ZFAND3: variants seen among roughly 807,000 people sequenced by gnomAD.
ZFAND3 encodes the protein AN1-type zinc finger protein 3.
ZFAND3 carries 10 observed loss-of-function variants against 29.6 expected under a neutral mutation model. The ratio of observed to expected loss-of-function variants is 0.34; its 90% CI spans 0.21 to 0.57. ZFAND3 has a LOEUF of 0.57. ZFAND3 is among the 20% of genes least tolerant of loss of function. The pLI is 0.86. For synonymous variants in ZFAND3, 128 were observed against 112.6 expected (o/e 1.14, Z -0.87); for missense variants, 230 against 304.5 (o/e 0.76, Z 1.82).
At chr6:37,867,358 T>C (rs1184199001) in intron 1 of ZFAND3, among the ~76,000 whole-genome samples, 1 of 152,214 alleles carries the variant, frequency 6.6e-6, no homozygotes, top group Non-Finnish European at 1.5e-5. Flanking sequence ...AGTGGCCATG[T>C]CACTCTGGTT....
intron 2 of ZFAND3, among the ~76,000 whole-genome samples, chr6:37,968,058 C>T (rs1417271208): frequency 2.0e-5 from 3 of 152,112 alleles, no homozygotes; most frequent in African/African-American, 7.2e-5. Context: ...AGTAATTGAA[C>T]ATTAGAACTG....
At chr6:38,002,301 T>TA (rs386358930) in intron 2 of ZFAND3, among the ~76,000 whole-genome samples, 4 of 151,118 alleles carry the variant, frequency 2.6e-5, no homozygotes, top group African/African-American at 7.3e-5. Context: ...TTTTTTTTTT[T>TA]AAAGAAAACA....
intron 1 of ZFAND3, among the ~76,000 whole-genome samples, chr6:37,877,586 A>G (rs1193043008): frequency 6.6e-6 from 1 of 152,240 alleles, no homozygotes; most frequent in Non-Finnish European, 1.5e-5. Context: ...TTTAGCACTG[A>G]GCAATCCAGT....
At chr6:37,965,315 C>T (rs183372712) in intron 2 of ZFAND3, among the ~76,000 whole-genome samples, 135 of 152,238 alleles carry the variant, frequency 8.9e-4, no homozygotes, top group Non-Finnish European at 1.6e-3. Flanking sequence ...ATTTCCAGAC[C>T]GGCACTGATC....
intron 1 of ZFAND3, among the ~76,000 whole-genome samples, chr6:37,841,774 T>A (rs1764081365): frequency 6.6e-6 from 1 of 152,190 alleles, no homozygotes; most frequent in African/African-American, 2.4e-5. Flanking sequence ...TGAGCCACCG[T>A]GCCCAGCCTG....
intron 1 of ZFAND3, among the ~76,000 whole-genome samples, chr6:37,892,862 C>T (rs912344843): frequency 3.3e-5 from 5 of 152,098 alleles, no homozygotes; most frequent in African/African-American, 9.7e-5. Flanking sequence ...AGAGGAAATG[C>T]ATCAGTTCTT....
intron 1 of ZFAND3, among the ~76,000 whole-genome samples, chr6:37,871,067 C>G (rs1015400544): frequency 2.0e-5 from 3 of 152,080 alleles, no homozygotes; most frequent in African/African-American, 7.2e-5. Flanking sequence ...AAATATTTTT[C>G]TCTGCCCCAT....
chr6:38,049,989 C>CTT (rs1237941810), intron 2 of ZFAND3, among the ~76,000 whole-genome samples: 1 of 123,084 alleles, frequency 8.1e-6, no homozygotes, highest in East Asian at 2.5e-4. Context: ...GAGTCTCTCT[C>CTT]TGTCTCCCAG....
chr6:38,090,359 A>T lies in ZFAND3; in HGVS notation c.361+7902A>T, dbSNP rs566811030. Among the ~76,000 whole-genome samples, 11 of 152,330 alleles carry T rather than the reference A, an allele frequency of 7.2e-5. No individual in the cohort carries two copies. In the South Asian group the frequency reaches 2.3e-3, roughly 32 times the overall value. On this transcript the variant is annotated intron_variant, in intron 4 of 5. Transcript: ENST00000287218. Reference sequence around the variant, plus strand: ...AACCTTTCATTTTTTATTAGTGTTTAATGTAACCATTGAAGAAAGATCAAA... The same window carrying T: ...AACCTTTCATTTTTTATTAGTGTTTTATGTAACCATTGAAGAAAGATCAAA...
chr6:37,979,678 C>T (rs1216966459), intron 2 of ZFAND3, among the ~76,000 whole-genome samples: 8 of 152,174 alleles, frequency 5.3e-5, no homozygotes, highest in Admixed American at 5.2e-4. Flanking sequence ...TCAAAACAAT[C>T]CATTACGATG....
intron 1 of ZFAND3, among the ~76,000 whole-genome samples, chr6:37,922,117 A>G (rs751334753): frequency 6.6e-6 from 1 of 152,162 alleles, no homozygotes; most frequent in Non-Finnish European, 1.5e-5. Context: ...GTTGGCAAAG[A>G]TGTATTCAAA....
At chr6:38,058,440 T>C (rs1215009224) in intron 2 of ZFAND3, among the ~76,000 whole-genome samples, 1 of 152,226 alleles carries the variant, frequency 6.6e-6, no homozygotes, top group Non-Finnish European at 1.5e-5. Context: ...TTCTTGAAGG[T>C]GCTATACAAA....
At chr6:37,881,885 A>G (rs1764902881) in intron 1 of ZFAND3, among the ~76,000 whole-genome samples, 1 of 152,166 alleles carries the variant, frequency 6.6e-6, no homozygotes, top group Non-Finnish European at 1.5e-5. Context: ...ATGCTAGTAT[A>G]TGGTAAGAAG....
At chr6:37,918,391 C>T (rs1761304475) in intron 1 of ZFAND3, among the ~76,000 whole-genome samples, 1 of 150,940 alleles carries the variant, frequency 6.6e-6, no homozygotes, top group Non-Finnish European at 1.5e-5. Context: ...GATGTCTTTT[C>T]CTGGATATCC....
chr6:37,995,637 G>A (rs1762836984), intron 2 of ZFAND3, among the ~76,000 whole-genome samples: 1 of 152,066 alleles, frequency 6.6e-6, no homozygotes, highest in African/African-American at 2.4e-5. Flanking sequence ...GCCTGGGGAG[G>A]GGAAATACAA....
At chr6:37,961,806 T>C (rs544546462) in intron 2 of ZFAND3, among the ~76,000 whole-genome samples, 7 of 152,200 alleles carry the variant, frequency 4.6e-5, no homozygotes, top group Non-Finnish European at 1.0e-4. Flanking sequence ...CTGCTGGGCT[T>C]GAGGTCCCCC....
At chr6:37,845,326 C>G (rs1158932684) in intron 1 of ZFAND3, among the ~76,000 whole-genome samples, 4 of 152,132 alleles carry the variant, frequency 2.6e-5, no homozygotes, top group Admixed American at 6.5e-5. Context: ...CCTTATCACT[C>G]ACATTTTTTT....
intron 2 of ZFAND3, among the ~76,000 whole-genome samples, chr6:37,942,401 A>G (rs893715205): frequency 7.2e-5 from 11 of 152,150 alleles, no homozygotes; most frequent in Admixed American, 6.5e-5. Context: ...TGATCATTTG[A>G]GACATGTTAG....
intron 2 of ZFAND3, among the ~76,000 whole-genome samples, chr6:38,047,964 G>GTTT (rs1241798963): frequency 7.9e-6 from 1 of 126,302 alleles, no homozygotes; most frequent in East Asian, 6.1e-4. Flanking sequence ...AGGTTTTTGG[G>GTTT]TTTTTTTTGT....
Sources: gnomAD v4.1 joint callset for allele counts (sites outside exome capture counted in the v4.1 genomes callset) on GRCh38, gnomAD v4.1.1 for gene constraint, MANE v1.5 for transcripts, NCBI Gene and HGNC (gene_info 2026-07-23, HGNC 2026-07-21) for gene names.